The following APAF1 variants were observed in gnomAD, a reference collection of about 807,000 sequenced individuals.
APAF1 encodes the protein apoptotic protease-activating factor 1.
In APAF1, 91 loss-of-function variants were observed where a neutral mutation model predicts 152.4. The ratio of observed to expected loss-of-function variants is 0.60; its 90% confidence interval spans 0.50 to 0.71. The LOEUF is 0.71. APAF1 is among the 30% of genes least tolerant of loss of function. The probability of loss-of-function intolerance (pLI) is 0.00; values close to 1 mark genes in which losing one functional copy is unlikely to be tolerated. For synonymous variants in APAF1, 484 were observed against 494.1 expected, an observed-to-expected ratio of 0.98 and a Z score of 0.27; for missense variants, 1,283 against 1,472.0, an observed-to-expected ratio of 0.87 and a Z score of 2.10.
intron 17 of APAF1, among the ~76,000 whole-genome samples, chr12:98,701,774 A>C (rs146069069): frequency 1.1e-4 from 16 of 152,086 alleles, no homozygotes; most frequent in African/African-American, 3.9e-4. Flanking sequence ...GTAGATCCCG[A>C]TTTCTTACCC....
At chr12:98,655,818 C>G (rs1484305367) in intron 4 of APAF1, among the ~76,000 whole-genome samples, 2 of 151,070 alleles carry the variant, frequency 1.3e-5, no homozygotes, top group South Asian at 2.1e-4. Flanking sequence ...GAGTCTCACT[C>G]TGTCGCCCAG....
Position 98,723,784 on chromosome 12 carries a change from C to T in APAF1, c.3330+20C>T. The stretch of plus-strand genomic sequence containing the variant: ...GCAAAGGTAGGTCAATCAATTGAAA[C>T]CATGCATAAAACTTTGGTAGTGGTT... On this transcript the variant is annotated intron_variant, in intron 24 of 26. Transcript: ENST00000551964. The T allele has an allele frequency of 6.2e-7, 1 of 1,613,390 alleles. No homozygotes were observed. The highest frequency in any genetic ancestry group is 8.5e-7 in the Non-Finnish European group (1 of 1,179,588).
intron 4 of APAF1, among the ~76,000 whole-genome samples, chr12:98,650,196 A>T (rs2097647169): frequency 6.6e-6 from 1 of 152,114 alleles, no homozygotes; most frequent in African/African-American, 2.4e-5. Flanking sequence ...TCTAGTAGTT[A>T]ATAATTTTTT....
chr12:98,659,285 C>G lies in APAF1; in HGVS notation c.652C>G (p.Leu218Val), dbSNP rs753489861. The G allele has an allele frequency of 1.4e-5, 23 of 1,614,052 alleles. 1 individual carries two copies. In the Admixed American group the frequency reaches 3.8e-4, roughly 27 times the overall value. Residue 218 changes from leucine (L) to valine (V), a missense_variant, in exon 5 of 27, where the codon CTT (leucine) becomes GTT (valine). Leu to Val is a conservative substitution (Grantham distance 32, BLOSUM62 1). Coordinates refer to ENST00000551964, the MANE Select transcript of APAF1 (RefSeq NM_181861.2). ...TGAGAGTTTTTCCCAGAGGCTTCCA[C>G]TTAATATTGAAGAGGCTAAAGACCG... ...QDESFSQRLP[L>V]NIEEAKDRLR...
At chr12:98,725,891 G>A (rs1393726546) in intron 25 of APAF1, among the ~76,000 whole-genome samples, 1 of 152,168 alleles carries the variant, frequency 6.6e-6, no homozygotes. Flanking sequence ...TGTAAATTAT[G>A]GTCTGGATTA....
chr12:98,723,632 T>C lies in APAF1; in HGVS notation c.3205-7T>C. On this transcript the variant is annotated splice_region_variant and splice_polypyrimidine_tract_variant and intron_variant, in intron 23 of 26. Coordinates refer to ENST00000551964, the MANE Select transcript of APAF1 (RefSeq NM_181861.2). ...CAACCTCCAAGTGTTTTTTTTTTTTTTTTAAGGTATGGAATATTATTACTG... is the reference window on the plus strand; with the variant it reads ...CAACCTCCAAGTGTTTTTTTTTTTTCTTTAAGGTATGGAATATTATTACTG... 1.9e-6 allele frequency: 3 copies of C among 1,582,462 alleles called. No homozygotes were observed. The highest frequency in any genetic ancestry group is 2.6e-6 in the Non-Finnish European group (3 of 1,162,726).
intron 7 of APAF1, 68 bp downstream of exon 7, chr12:98,662,874 C>T (rs1444602750): frequency 6.8e-7 from 1 of 1,480,114 alleles, no homozygotes. Context: ...GTTAATTGAG[C>T]TAATGAATAT....
rs112219060 is a variant in APAF1 at position 98,652,822 on chromosome 12, C to A, written c.526+3138C>A. On this transcript the variant is annotated intron_variant, in intron 4 of 26. Transcript: ENST00000551964. ...TGTATTTTTAGTAGAGACGGGGTTT[C>A]TCCATGTTGGTCAGGCTGGTCTCGA... 3.3e-5 allele frequency among the ~76,000 whole-genome samples: 5 copies of A among 152,084 alleles called. 1 individual carries two copies. The highest frequency in any genetic ancestry group is 7.2e-5 in the African/African-American group (3 of 41,486).
At position 98,680,383 on chromosome 12, in the gene APAF1, C is replaced by A; in HGVS notation, c.2027C>A (p.Ser676Ter). 1 of 1,613,442 alleles carries A rather than the reference C, an allele frequency of 6.2e-7. No individual in the cohort carries two copies. Among genetic ancestry groups the A allele is most frequent in the Non-Finnish European group, 8.5e-7 (1 of 1,179,924 alleles). ...GATGACAGATTTATAGCAACCTGCT[C>A]AGTGGATAAAAAAGTGAAGGTAGGA... ...STDDRFIATCSVDKKVKIWNS... is the reference protein window; with the variant it reads ...STDDRFIATC The change falls in exon 14 of 27, where the codon TCA (serine) becomes TAA (stop). Residue 676 changes from serine (S) to a stop codon, truncating the protein, a stop_gained. Coordinates refer to ENST00000551964, the MANE Select transcript of APAF1 (RefSeq NM_181861.2). LOFTEE classifies it high-confidence loss of function.
At chr12:98,664,200 G>A (rs2097669300) in intron 7 of APAF1, among the ~76,000 whole-genome samples, 1 of 151,460 alleles carries the variant, frequency 6.6e-6, no homozygotes, top group African/African-American at 2.4e-5. Context: ...TGTAGTTTTA[G>A]TAGAGATGGG....
chr12:98,710,157 A>G (rs1326599066), intron 20 of APAF1, among the ~76,000 whole-genome samples: 1 of 146,318 alleles, frequency 6.8e-6, no homozygotes, highest in Non-Finnish European at 1.5e-5. Context: ...TATAGGTGTG[A>G]GCCACCGTGC....
In APAF1 at chr12:98,707,609, A is replaced by G. The variant is rs558527396; in HGVS notation, c.2722-976A>G. 2.0e-5 allele frequency among the ~76,000 whole-genome samples: 3 copies of G among 151,986 alleles called. No homozygotes were observed. In the South Asian group the frequency reaches 6.3e-4, roughly 32 times the overall value. On this transcript the variant is annotated intron_variant, in intron 19 of 26. Transcript: ENST00000551964. Reference sequence around the variant, plus strand: ...AGGCCAGGAACCCTGGCTGGTCCCCACAGCATCCTAATACAGCATTATGTA... The same window carrying G: ...AGGCCAGGAACCCTGGCTGGTCCCCGCAGCATCCTAATACAGCATTATGTA...
chr12:98,658,605 A>G (rs923619104), intron 4 of APAF1, among the ~76,000 whole-genome samples: 1 of 152,224 alleles, frequency 6.6e-6, no homozygotes, highest in Non-Finnish European at 1.5e-5. Flanking sequence ...AAGTCTGTAT[A>G]AGAAAACCAT....
chr12:98,712,352 C>T lies in APAF1; in HGVS notation c.2875C>T (p.Leu959=). ...INGRTGQIDY[L]TEAQVSCCCL... ...TGGAAGAACAGGTCAGATTGATTAT[C>T]TGACTGAAGCTCAAGTTAGCTGCTG... is the stretch of plus-strand genomic sequence containing the variant. Residue 959 remains leucine (L), a synonymous_variant, in exon 21 of 27, where the codon CTG becomes TTG. Coordinates refer to ENST00000551964, the MANE Select transcript of APAF1 (RefSeq NM_181861.2). 6.2e-7 allele frequency: 1 copy of T among 1,613,062 alleles called. No individual in the cohort carries two copies. The highest frequency in any genetic ancestry group is 8.5e-7 in the Non-Finnish European group (1 of 1,179,230).
At chr12:98,696,429 T>G (rs891110336) in intron 16 of APAF1, among the ~76,000 whole-genome samples, 1 of 152,164 alleles carries the variant, frequency 6.6e-6, no homozygotes, top group Non-Finnish European at 1.5e-5. Context: ...ATTCATCTGT[T>G]TATGAGGGAT....
chr12:98,696,628 C>T (rs921409558), intron 16 of APAF1, among the ~76,000 whole-genome samples: 5 of 152,146 alleles, frequency 3.3e-5, no homozygotes, highest in Admixed American at 6.6e-5. Context: ...TGTCTGTACT[C>T]GCCTGTGCTT....
chr12:98,697,296 CT>C (rs1201062367), intron 16 of APAF1, among the ~76,000 whole-genome samples: 3 of 152,118 alleles, frequency 2.0e-5, no homozygotes, highest in African/African-American at 7.2e-5. Context: ...TGTGCTATAC[CT>C]TTTCCTTTCA....
chr12:98,681,425 A>T (rs774106132), intron 14 of APAF1, among the ~76,000 whole-genome samples: 1 of 152,182 alleles, frequency 6.6e-6, no homozygotes, highest in Non-Finnish European at 1.5e-5. Flanking sequence ...TACCAGGAGC[A>T]TTTATACTAA....
Position 98,723,673 on chromosome 12 carries a change from A to G in APAF1, c.3239A>G (p.Asp1080Gly). Residue 1080 changes from aspartate (D) to glycine (G), a missense_variant, in exon 24 of 27, where the codon GAC becomes GGC. By Grantham distance (94) the Asp-to-Gly change is moderately conservative (BLOSUM62 -1). Coordinates refer to ENST00000551964, the MANE Select transcript of APAF1 (RefSeq NM_181861.2). ...ATTATTACTGGAAATAAAGAAAAAG[A>G]CTTTGTCTGTCACCAGGGTACAGTA... ...WNIITGNKEK[D>G]FVCHQGTVLS... The G allele has an allele frequency of 6.2e-7, 1 of 1,606,046 alleles. No individual in the cohort carries two copies. Among genetic ancestry groups the G allele is most frequent in the Non-Finnish European group, 8.5e-7 (1 of 1,174,156 alleles).
Sources: gnomAD v4.1 joint callset for allele counts (sites outside exome capture counted in the v4.1 genomes callset) on GRCh38, gnomAD v4.1.1 for gene constraint, MANE v1.5 for transcripts, NCBI Gene and HGNC (gene_info 2026-07-23, HGNC 2026-07-21) for gene names.